Variants in CNTNAP3 observed in about 807,000 individuals in gnomAD.
CNTNAP3 encodes the protein contactin associated protein family member 3.
CNTNAP3 carries 36 observed loss-of-function variants against 92.1 expected under a neutral mutation model. The ratio of observed to expected loss-of-function variants is 0.39; its 90% CI spans 0.30 to 0.52. The LOEUF is 0.52. Ranked by LOEUF, CNTNAP3 falls within the 20% of genes least tolerant of loss-of-function variation. CNTNAP3 has a pLI of 0.76. For missense variants in CNTNAP3, 534 were observed against 1,069.6 expected (o/e 0.50, Z 6.98); for synonymous variants, 232 against 422.3 (o/e 0.55, Z 5.53).
At chr9:39,120,314 T>C (rs1820983279) in intron 13 of CNTNAP3, among the ~76,000 whole-genome samples, 1 of 152,162 alleles carries the variant, frequency 6.6e-6, no homozygotes, top group Admixed American at 6.5e-5. Context: ...TCAGGGCTGA[T>C]AGAAAAGAAT....
intron 18 of CNTNAP3, among the ~76,000 whole-genome samples, chr9:39,093,146 T>C (rs1826247090): frequency 8.1e-6 from 1 of 123,482 alleles, no homozygotes; most frequent in Non-Finnish European, 1.7e-5. Context: ...AAGATTTCTT[T>C]TGTTATCCAT....
chr9:39,143,595 T>C (rs983463098), intron 11 of CNTNAP3, among the ~76,000 whole-genome samples: 9 of 152,234 alleles, frequency 5.9e-5, no homozygotes, highest in Non-Finnish European at 1.3e-4. Context: ...AATGAGTTAA[T>C]ATATGCAAAG....
At chr9:39,144,126 T>C (rs1821642793) in intron 11 of CNTNAP3, 114 bp downstream of exon 11, 4 of 1,410,578 alleles carry the variant, frequency 2.8e-6, no homozygotes, top group Non-Finnish European at 3.7e-6. Flanking sequence ...AGTGCTGAAA[T>C]ATCTCTTCTG....
At chr9:39,076,714 A>G (rs955266271) in intron 23 of CNTNAP3, among the ~76,000 whole-genome samples, 2 of 152,312 alleles carry the variant, frequency 1.3e-5, no homozygotes, top group African/African-American at 4.8e-5. Context: ...CATGCCTGTA[A>G]TCCTAGCACT....
chr9:39,127,718 T>G (rs4062766), intron 13 of CNTNAP3, among the ~76,000 whole-genome samples: 2 of 152,180 alleles, frequency 1.3e-5, no homozygotes, highest in Non-Finnish European at 2.9e-5. Context: ...CACCTAACAT[T>G]AAATAGGTAA....
intron 10 of CNTNAP3, among the ~76,000 whole-genome samples, chr9:39,149,341 G>A (rs1419058237): frequency 2.0e-5 from 3 of 151,076 alleles, no homozygotes; most frequent in African/African-American, 7.4e-5. Flanking sequence ...CATTAGAGAT[G>A]CAGTTTTTGT....
rs1825613354 is a variant in CNTNAP3 at position 39,070,479 on chromosome 9, G to A, written c.*3411C>T. 7.0e-6 allele frequency among the ~76,000 whole-genome samples: 1 copy of A among 142,846 alleles called. No homozygotes were observed. The highest frequency in any genetic ancestry group is 2.7e-5 in the African/African-American group (1 of 37,184). 93.7% of individuals were successfully genotyped at this position (142,846 alleles called of 152,430 possible). A position where few individuals can be genotyped will look rare whatever the true frequency, so the allele number is the denominator to read the frequency against. ...TAAAAATCAAAACAACGGAATTCATGGATATAGAGTAGAAGGATGGTTAGT... is the reference window on the plus strand; with the variant it reads ...TAAAAATCAAAACAACGGAATTCATAGATATAGAGTAGAAGGATGGTTAGT... On this transcript the variant is annotated 3_prime_UTR_variant, in exon 24 of 24. Coordinates refer to ENST00000297668, the MANE Select transcript of CNTNAP3 (RefSeq NM_033655.5).
Position 39,088,199 on chromosome 9 carries a change from C to T in CNTNAP3, c.3220+224G>A, listed in dbSNP as rs143183999. ...AAGAAATATAACTGCATATCAACTCCGTAAAATTATCAAACATGTAATGGG... is the reference window on the plus strand; with the variant it reads ...AAGAAATATAACTGCATATCAACTCTGTAAAATTATCAAACATGTAATGGG... On this transcript the variant is annotated intron_variant, in intron 19 of 23. Transcript: ENST00000297668. 1.8e-4 allele frequency among the ~76,000 whole-genome samples: 28 copies of T among 151,798 alleles called. No individual in the cohort carries two copies. In the East Asian group the frequency reaches 2.7e-3, roughly 15 times the overall value.
Position 39,180,521 on chromosome 9 carries a change from A to AT in CNTNAP3, c.539-2162dup, listed in dbSNP as rs554018546. Among the ~76,000 whole-genome samples, 6 of 125,924 alleles carry AT rather than the reference A, an allele frequency of 4.8e-5. No individual in the cohort carries two copies. In the Admixed American group the frequency reaches 4.8e-4, roughly 10 times the overall value. The allele number at this position is 125,924 out of a possible 152,430, so 82.6% of individuals were successfully genotyped here. A position where few individuals can be genotyped will look rare whatever the true frequency, so the allele number is the denominator to read the frequency against. On this transcript the variant is annotated intron_variant, in intron 4 of 23. Transcript: ENST00000297668. ...CTTTTGTTCTTTAGCTAATACCTTG[A>AT]TTTTTTCTTTACTGTAATCGCTAGT...
intron 14 of CNTNAP3, among the ~76,000 whole-genome samples, chr9:39,114,055 CATATATATATAT>C (rs765973060): frequency 1.4e-5 from 2 of 144,552 alleles, no homozygotes; most frequent in African/African-American, 5.3e-5. Flanking sequence ...CACACACACA[CATATATATATAT>C]ACACACACAC....
Position 39,066,855 on chromosome 9 carries a change from C to G in CNTNAP3, c.*7035G>C, listed in dbSNP as rs535206690. Among the ~76,000 whole-genome samples the G allele has an allele frequency of 3.9e-5, 6 of 152,376 alleles. No individual in the cohort carries two copies. The East Asian group carries it at 1.2e-3, about 29-fold the overall frequency. ...TGTGGTTTTCTTAATAGCACCCCTA[C>G]TTGGGGATGTTGAGCTGGGTCTGTG... On this transcript the variant is annotated 3_prime_UTR_variant, in exon 24 of 24. Coordinates refer to ENST00000297668, the MANE Select transcript of CNTNAP3 (RefSeq NM_033655.5).
At chr9:39,095,091 A>G (rs949929169) in intron 18 of CNTNAP3, among the ~76,000 whole-genome samples, 2 of 151,338 alleles carry the variant, frequency 1.3e-5, no homozygotes, top group Non-Finnish European at 3.0e-5. Flanking sequence ...ATTCTTTTTG[A>G]TGATATTGCA....
At chr9:39,255,510 T>TA (rs931879137) in intron 2 of CNTNAP3, among the ~76,000 whole-genome samples, 1,809 of 38,248 alleles carry the variant, frequency 0.047, 221 homozygotes, top group African/African-American at 0.088. Flanking sequence ...ACAAAACAAA[T>TA]AAAAAAAATC....
At chr9:39,138,057 G>A (rs28658543) in intron 12 of CNTNAP3, among the ~76,000 whole-genome samples, 2 of 133,504 alleles carry the variant, frequency 1.5e-5, no homozygotes, top group East Asian at 2.0e-4. Flanking sequence ...GCTGTTTTTT[G>A]TTGTTGTTGT....
At chr9:39,090,016 T>C (rs1382651766) in intron 18 of CNTNAP3, among the ~76,000 whole-genome samples, 2 of 152,204 alleles carry the variant, frequency 1.3e-5, no homozygotes, top group Non-Finnish European at 2.9e-5. Context: ...CTCTGCTCAC[T>C]GCAAGCTCTG....
intron 18 of CNTNAP3, among the ~76,000 whole-genome samples, chr9:39,098,156 G>C (rs1826368434): frequency 6.9e-6 from 1 of 145,688 alleles, no homozygotes; most frequent in Non-Finnish European, 1.5e-5. Context: ...GGATAGAAAG[G>C]CTAATCCAAA....
intron 12 of CNTNAP3, among the ~76,000 whole-genome samples, chr9:39,138,452 AAAAACAAAAC>A (rs3071890): frequency 3.3e-4 from 51 of 152,342 alleles, no homozygotes; most frequent in African/African-American, 8.9e-4. Flanking sequence ...TCTGAAAACA[AAAAACAAAAC>A]AAAACAAAAC....
chr9:39,093,978 G>GA (rs1255136021), intron 18 of CNTNAP3, among the ~76,000 whole-genome samples: 13 of 151,186 alleles, frequency 8.6e-5, no homozygotes, highest in Admixed American at 5.3e-4. Flanking sequence ...TTTCCCACCA[G>GA]TAACAAAAGA....
intron 13 of CNTNAP3, among the ~76,000 whole-genome samples, chr9:39,120,527 G>A (rs12552885): frequency 0.034 from 5,101 of 152,122 alleles, 160 homozygotes; most frequent in South Asian, 0.14. Context: ...AAAAATAGAC[G>A]AGCGTAGTGG....
Sources: allele counts gnomAD v4.1 joint callset (sites outside exome capture counted in the v4.1 genomes callset), GRCh38; gene constraint gnomAD v4.1.1; transcripts MANE v1.5; gene names NCBI Gene and HGNC (gene_info 2026-07-23, HGNC 2026-07-21).